The following PLCG2 variants were observed in gnomAD, a reference collection of about 807,000 sequenced individuals.
PLCG2 encodes phospholipase C gamma 2.
In PLCG2, 69 loss-of-function variants were observed where a neutral mutation model predicts 175.6. The ratio of observed to expected loss-of-function variants is 0.39; its 90% CI spans 0.32 to 0.48. The LOEUF is 0.48. PLCG2 is among the 20% of genes least tolerant of loss of function. The pLI is 0.91. For synonymous variants in PLCG2, 827 were observed against 624.0 expected (o/e 1.33, Z -4.85); for missense variants, 1,798 against 1,650.9 (o/e 1.09, Z -1.54).
At chr16:81,899,289 T>TAC (rs111338797) in intron 13 of PLCG2, among the ~76,000 whole-genome samples, 40 of 92,464 alleles carry the variant, frequency 4.3e-4, no homozygotes, top group African/African-American at 8.7e-4. Flanking sequence ...TATATATATA[T>TAC]ACACACACAC....
chr16:81,779,690 T>C (rs1342957549), intron 1 of PLCG2, among the ~76,000 whole-genome samples: 1 of 151,980 alleles, frequency 6.6e-6, no homozygotes, highest in African/African-American at 2.4e-5. Flanking sequence ...GGCCCCAGCT[T>C]TGAATGGGGA....
In PLCG2 at chr16:81,866,646, A is replaced by T. The variant is rs7206563; in HGVS notation, c.480-2568A>T. Among the ~76,000 whole-genome samples, 115 of 49,650 alleles carry T rather than the reference A, an allele frequency of 2.3e-3. 2 individuals carry two copies. Among genetic ancestry groups the T allele is most frequent in the South Asian group, 4.4e-3 (5 of 1,134 alleles). 32.6% of individuals were successfully genotyped at this position (49,650 alleles called of 152,430 possible). On this transcript the variant is annotated intron_variant, in intron 5 of 32. Coordinates refer to ENST00000564138, the MANE Select transcript of PLCG2 (RefSeq NM_002661.5). ...TGCTGGCCTCTCCCTTGCTCCCAGG[A>T]TGAGCTCCACTGGGGCACCAGCGTG...
chr16:81,939,248 G>A lies in PLCG2; in HGVS notation c.3313+333G>A, dbSNP rs566794411. Among the ~76,000 whole-genome samples, 15 of 152,246 alleles carry A rather than the reference G, an allele frequency of 9.9e-5. No homozygotes were observed. The South Asian group carries it at 1.9e-3, about 19-fold the overall frequency. Reference sequence around the variant, plus strand: ...CAAGAGGCAGAGACACAGAGAGAGGGGGTGAACCTACGTGGCTGACCTGAC... The same window carrying A: ...CAAGAGGCAGAGACACAGAGAGAGGAGGTGAACCTACGTGGCTGACCTGAC... On this transcript the variant is annotated intron_variant, in intron 29 of 32. Coordinates refer to ENST00000564138, the MANE Select transcript of PLCG2 (RefSeq NM_002661.5).
At chr16:81,922,904 C>G (rs74029303) in intron 21 of PLCG2, among the ~76,000 whole-genome samples, 1 of 152,156 alleles carries the variant, frequency 6.6e-6, no homozygotes, top group Non-Finnish European at 1.5e-5. Flanking sequence ...CAGAGACCAC[C>G]TTTTGATGAA....
chr16:81,942,785 C>T (rs1044194559), intron 30 of PLCG2, among the ~76,000 whole-genome samples: 1 of 152,136 alleles, frequency 6.6e-6, no homozygotes, highest in Non-Finnish European at 1.5e-5. Context: ...TAATTTCGAA[C>T]CCCGTGTTCC....
At chr16:81,880,523 G>C (rs750068826) in intron 7 of PLCG2, among the ~76,000 whole-genome samples, 2 of 152,072 alleles carry the variant, frequency 1.3e-5, no homozygotes, top group Non-Finnish European at 2.9e-5. Flanking sequence ...TTCAAAGAAA[G>C]GAAACAGGGT....
intron 13 of PLCG2, chr16:81,897,767 A>G (rs917026361): frequency 1.1e-5 from 5 of 447,178 alleles, no homozygotes; most frequent in Admixed American, 2.4e-5. Flanking sequence ...TTGGTCTTGA[A>G]CTCATGACCT....
At position 81,891,715 on chromosome 16, in the gene PLCG2, C is replaced by T; in HGVS notation, c.986+125C>T. 4.9e-6 allele frequency: 3 copies of T among 618,058 alleles called. No homozygotes were observed. In the South Asian group the frequency reaches 5.7e-5, roughly 12 times the overall value. The allele number at this position is 618,058 out of a possible 1,614,324, so 38.3% of individuals were successfully genotyped here. A position where few individuals can be genotyped will look rare whatever the true frequency, so the allele number is the denominator to read the frequency against. ...CAGGTGGAGGGTGTAGCACCGCATT[C>T]CTTGGACTAAAATACACAGAAGCTT... On this transcript the variant is annotated intron_variant, in intron 11 of 32. Coordinates refer to ENST00000564138, the MANE Select transcript of PLCG2 (RefSeq NM_002661.5).
chr16:81,837,073 C>A (rs1420658814), intron 2 of PLCG2, among the ~76,000 whole-genome samples: 6 of 152,144 alleles, frequency 3.9e-5, no homozygotes, highest in African/African-American at 1.4e-4. Context: ...TCCAGGCCAT[C>A]CAAGTTAAGG....
intron 7 of PLCG2, among the ~76,000 whole-genome samples, chr16:81,872,017 C>G (rs1231037305): frequency 6.6e-6 from 1 of 152,130 alleles, no homozygotes; most frequent in Admixed American, 6.6e-5. Flanking sequence ...GGAGTCAGGT[C>G]TGCTATTTTG....
intron 31 of PLCG2, among the ~76,000 whole-genome samples, chr16:81,948,251 T>C (rs930630523): frequency 3.3e-5 from 5 of 152,230 alleles, no homozygotes; most frequent in South Asian, 2.1e-4. Context: ...GTTGTCGTAT[T>C]ATATCCCATC....
chr16:81,945,919 G>A (rs78921819), intron 30 of PLCG2, among the ~76,000 whole-genome samples: 2,390 of 152,266 alleles, frequency 0.016, 62 homozygotes, highest in African/African-American at 0.054. Flanking sequence ...TTTCTTCTGA[G>A]TGAATCATTT....
chr16:81,859,084 C>G, intron 4 of PLCG2, 32 bp from the exon 5 acceptor site: 3 of 1,386,484 alleles, frequency 2.2e-6, no homozygotes, highest in Non-Finnish European at 3.1e-6. Flanking sequence ...TTTTCTCTTT[C>G]TCTCTTTCTT....
Position 81,891,535 on chromosome 16 carries a change from A to G in PLCG2, c.931A>G (p.Met311Val). 6.2e-7 allele frequency: 1 copy of G among 1,612,724 alleles called. No homozygotes were observed. ...IWDEKYDAVD[M>V]QDMNNPLSHY... ...GGATGAGAAGTATGACGCGGTGGAC[A>G]TGCAGGACATGAACAACCCCCTGTC... Residue 311 changes from methionine (M) to valine (V), a missense_variant, in exon 11 of 33, where the codon ATG becomes GTG. By Grantham distance (21) the Met-to-Val change is conservative. Transcript: ENST00000564138.
rs1041746138 is a variant in PLCG2, at chr16:81,889,399, G to C, written c.867+126G>C. The C allele has an allele frequency of 5.0e-6, 3 of 603,576 alleles. No individual in the cohort carries two copies. In the African/African-American group the frequency reaches 5.7e-5, roughly 11 times the overall value. 37.4% of individuals were successfully genotyped at this position (603,576 alleles called of 1,614,324 possible). On this transcript the variant is annotated intron_variant, in intron 10 of 32. Coordinates refer to ENST00000564138, the MANE Select transcript of PLCG2 (RefSeq NM_002661.5). Reference sequence around the variant, plus strand: ...CTGTATGATGTTGCCTCGACTGACTGGTTAGCTGGGATTGTTTCTTTTCTT... The same window carrying C: ...CTGTATGATGTTGCCTCGACTGACTCGTTAGCTGGGATTGTTTCTTTTCTT...
At chr16:81,765,600 C>T (rs1279451721) in intron 2 of PLCG2, among the ~76,000 whole-genome samples, 2 of 152,226 alleles carry the variant, frequency 1.3e-5, no homozygotes, top group African/African-American at 4.8e-5. Context: ...TAGTGCCCTC[C>T]AGCCTGGATG....
At chr16:81,819,993 A>G (rs1051995148) in intron 2 of PLCG2, among the ~76,000 whole-genome samples, 4 of 152,222 alleles carry the variant, frequency 2.6e-5, no homozygotes, top group Admixed American at 6.5e-5. Flanking sequence ...AAAGAAAAAT[A>G]TCTCCCATTG....
chr16:81,898,371 G>A (rs892892919), intron 13 of PLCG2: 5 of 152,694 alleles, frequency 3.3e-5, no homozygotes, highest in Non-Finnish European at 7.3e-5. Flanking sequence ...GTTACATTTT[G>A]ATACCAACTT....
In PLCG2 at chr16:81,785,997, C is replaced by T; in HGVS notation, c.8C>T (p.Thr3Ile). The T allele has an allele frequency of 6.2e-7, 1 of 1,613,658 alleles. No individual in the cohort carries two copies. Among genetic ancestry groups the T allele is most frequent in the East Asian group, 2.2e-5 (1 of 44,876 alleles). MS[T>I]TVNVDSLAEY... ...TCCCTGGAGCGGCCGACAATGTCCA[C>T]CACGGTCAATGTAGATTCCCTTGCG... is the stretch of plus-strand genomic sequence containing the variant. Residue 3 changes from threonine to isoleucine, a missense_variant, in exon 2 of 33, where the codon ACC (threonine) becomes ATC (isoleucine). Physicochemically the swap from Thr to Ile is moderately conservative, Grantham distance 89 (BLOSUM62 -1). Transcript: ENST00000564138.
Sources: gnomAD v4.1 joint callset for allele counts (sites outside exome capture counted in the v4.1 genomes callset) on GRCh38, gnomAD v4.1.1 for gene constraint, MANE v1.5 for transcripts, NCBI Gene and HGNC (gene_info 2026-07-23, HGNC 2026-07-21) for gene names.